YWHAB: variants seen among roughly 807,000 people sequenced by gnomAD.
YWHAB encodes the protein tyrosine 3-monooxygenase/tryptophan 5-monooxygenase activation protein beta.
A neutral mutation model predicts 28.5 loss-of-function variants in YWHAB; 2 were observed. The observed-to-expected ratio is 0.07, with a 90% confidence interval of 0.03 to 0.22. The LOEUF (loss-of-function observed/expected upper bound fraction) is 0.22. YWHAB is among the 10% of genes least tolerant of loss of function. The pLI is 1.00. For synonymous variants in YWHAB, 103 were observed against 104.7 expected (o/e 0.98, Z 0.10); for missense variants, 148 against 297.1 (o/e 0.50, Z 3.69).
chr20:44,892,515 T>C (rs537268900), intron 1 of YWHAB, among the ~76,000 whole-genome samples: 1 of 152,212 alleles, frequency 6.6e-6, no homozygotes, highest in Non-Finnish European at 1.5e-5. Context: ...AGGACTACAC[T>C]GCTTTCTTTT....
intron 1 of YWHAB, chr20:44,887,322 T>C (rs2066534433): frequency 6.6e-6 from 1 of 152,262 alleles, no homozygotes; most frequent in African/African-American, 2.4e-5. Context: ...CTGTAGCAAC[T>C]GCAGAATTAT....
Position 44,906,420 on chromosome 20 carries a change from T to A in YWHAB, c.723T>A (p.Ala241=). 1 of 1,608,518 alleles carries A rather than the reference T, an allele frequency of 6.2e-7. No homozygotes were observed. The highest frequency in any genetic ancestry group is 8.5e-7 in the Non-Finnish European group (1 of 1,178,646). The change falls in exon 6 of 6, where the codon GCT becomes GCA. Residue 241 remains alanine, a synonymous_variant. Transcript: ENST00000353703. Reference sequence around the variant, plus strand: ...AAAACCAGGGAGACGAAGGAGACGCTGGGGAGGGAGAGAACTAATGTTTCT... The same window carrying A: ...AAAACCAGGGAGACGAAGGAGACGCAGGGGAGGGAGAGAACTAATGTTTCT... ...TSENQGDEGD[A]GEGEN is the part of the protein sequence containing the mutation.
chr20:44,904,251 T>C (rs1008068047), intron 3 of YWHAB, 135 bp downstream of exon 3: 1 of 1,186,376 alleles, frequency 8.4e-7, no homozygotes, highest in South Asian at 1.5e-5. Flanking sequence ...GACCACAGCA[T>C]TGTGACGAAC....
intron 3 of YWHAB, 107 bp from the exon 4 acceptor site, chr20:44,904,861 C>A: frequency 2.7e-6 from 3 of 1,121,590 alleles, no homozygotes; most frequent in South Asian, 1.9e-5. Flanking sequence ...TTTGATAGGT[C>A]ATTGCTCCTG....
intron 1 of YWHAB, among the ~76,000 whole-genome samples, chr20:44,892,267 C>G (rs1331942764): frequency 6.6e-6 from 1 of 152,102 alleles, no homozygotes; most frequent in Non-Finnish European, 1.5e-5. Context: ...TCTGCTTTGG[C>G]CTTTGATTTT....
chr20:44,904,257 C>T (rs757913892), intron 3 of YWHAB, 141 bp downstream of exon 3: 43 of 1,108,870 alleles, frequency 3.9e-5, no homozygotes, highest in South Asian at 1.2e-4. Context: ...AGCATTGTGA[C>T]GAACGGGGTC....
intron 1 of YWHAB, among the ~76,000 whole-genome samples, chr20:44,898,658 C>G (rs2066609355): frequency 6.6e-6 from 1 of 152,070 alleles, no homozygotes; most frequent in Non-Finnish European, 1.5e-5. Context: ...TAGGCACGTG[C>G]ACTGTGCCCA....
At position 44,906,435 on chromosome 20, in the gene YWHAB, C is replaced by G; in HGVS notation, c.738C>G (p.Asn246Lys). Residue 246 changes from asparagine to lysine, a missense_variant, in exon 6 of 6, where the codon AAC becomes AAG. Physicochemically the swap from Asn to Lys is moderately conservative, Grantham distance 94. Coordinates refer to ENST00000353703, the MANE Select transcript of YWHAB (RefSeq NM_139323.4). ...AAGGAGACGCTGGGGAGGGAGAGAA[C>G]TAATGTTTCTCGTGCTTTGTGATCT... The part of the protein sequence containing the change: ...GDEGDAGEGE[N>K] 1 of 1,580,212 alleles carries G rather than the reference C, an allele frequency of 6.3e-7. No homozygotes were observed. Among genetic ancestry groups the G allele is most frequent in the Non-Finnish European group, 8.6e-7 (1 of 1,161,742 alleles).
chr20:44,903,658 A>G (rs961687555), intron 2 of YWHAB: 3 of 189,626 alleles, frequency 1.6e-5, no homozygotes, highest in African/African-American at 7.2e-5. Flanking sequence ...TTCTTGTGGT[A>G]TTTATAATCT....
rs781018618 is a variant in YWHAB, at chr20:44,903,998, G to T, written c.306G>T (p.Leu102=). 6.3e-7 allele frequency: 1 copy of T among 1,591,002 alleles called. No individual in the cohort carries two copies. Among genetic ancestry groups the T allele is most frequent in the Admixed American group, 1.9e-5 (1 of 52,166 alleles). ...TAACAATGTTCATTTTTTAGGAGCT[G>T]TTGGACAAATATCTTATTCCCAATG... ...LQDICNDVLE[L]LDKYLIPNAT... is the part of the protein sequence containing the mutation. The change falls in exon 3 of 6, where the codon CTG becomes CTT. Residue 102 remains leucine, a synonymous_variant. Coordinates refer to ENST00000353703, the MANE Select transcript of YWHAB (RefSeq NM_139323.4).
intron 2 of YWHAB, 101 bp from the exon 3 acceptor site, chr20:44,903,892 C>T: frequency 7.2e-7 from 1 of 1,391,862 alleles, no homozygotes; most frequent in Non-Finnish European, 9.7e-7. Flanking sequence ...TTTTAATCTT[C>T]CAAAAAATTA....
chr20:44,900,054 T>A (rs2066617642), intron 1 of YWHAB, among the ~76,000 whole-genome samples: 1 of 131,412 alleles, frequency 7.6e-6, no homozygotes, highest in Non-Finnish European at 1.5e-5. Flanking sequence ...GTGTTCTTTC[T>A]TTTTTTTTTT....
chr20:44,888,624 CG>C (rs1450195952), intron 1 of YWHAB, among the ~76,000 whole-genome samples: 2 of 152,114 alleles, frequency 1.3e-5, no homozygotes, highest in Non-Finnish European at 2.9e-5. Flanking sequence ...ATAAAGTAAA[CG>C]TTTGAATGGG....
intron 1 of YWHAB, among the ~76,000 whole-genome samples, chr20:44,889,148 A>C (rs745355207): frequency 2.6e-5 from 4 of 152,244 alleles, no homozygotes; most frequent in Non-Finnish European, 4.4e-5. Context: ...ATGGTTACAT[A>C]ATAGCAACCT....
Position 44,903,773 on chromosome 20 carries a change from A to G in YWHAB, c.301-220A>G, listed in dbSNP as rs35588101. Reference sequence around the variant, plus strand: ...CATTTCATTATATGGCTATACTTTAATTATCCCCTATGGATGGTCAAAGTG... The same window carrying G: ...CATTTCATTATATGGCTATACTTTAGTTATCCCCTATGGATGGTCAAAGTG... On this transcript the variant is annotated intron_variant, in intron 2 of 5. Coordinates refer to ENST00000353703, the MANE Select transcript of YWHAB (RefSeq NM_139323.4). 2.8e-3 allele frequency: 1,244 copies of G among 442,836 alleles called. 40 individuals are homozygous for G. In the East Asian group the frequency reaches 0.047, roughly 17 times the overall value. The allele number at this position is 442,836 out of a possible 1,614,324, so 27.4% of individuals were successfully genotyped here. A position where few individuals can be genotyped will look rare whatever the true frequency, so the allele number is the denominator to read the frequency against.
intron 1 of YWHAB, among the ~76,000 whole-genome samples, chr20:44,898,728 G>A (rs1013076679): frequency 3.3e-5 from 5 of 152,006 alleles, no homozygotes; most frequent in South Asian, 2.1e-4. Flanking sequence ...GGATGGTCTC[G>A]ATCTCCTGAC....
intron 2 of YWHAB, chr20:44,902,181 T>A (rs2066631175): frequency 5.8e-6 from 1 of 173,110 alleles, no homozygotes; most frequent in Admixed American, 5.9e-5. Context: ...GTCAGAGTAG[T>A]GATGTCATCG....
intron 1 of YWHAB, among the ~76,000 whole-genome samples, chr20:44,895,781 C>T (rs1403765720): frequency 6.6e-6 from 1 of 152,212 alleles, no homozygotes; most frequent in African/African-American, 2.4e-5. Context: ...GAGTGAATTA[C>T]TCTTTGAATT....
At chr20:44,893,785 A>G (rs573962631) in intron 1 of YWHAB, among the ~76,000 whole-genome samples, 1 of 130,412 alleles carries the variant, frequency 7.7e-6, no homozygotes, top group South Asian at 2.4e-4. Context: ...TGCAACCTCC[A>G]CCTCCTGGGT....
Sources: gnomAD v4.1 joint callset for allele counts (sites outside exome capture counted in the v4.1 genomes callset) on GRCh38, gnomAD v4.1.1 for gene constraint, MANE v1.5 for transcripts, NCBI Gene and HGNC (gene_info 2026-07-23, HGNC 2026-07-21) for gene names.